The following GOLM1 variants were observed in gnomAD, a reference collection of about 807,000 sequenced individuals.
GOLM1 encodes epididymis luminal protein 46.
GOLM1 carries 31 observed loss-of-function variants against 50.5 expected under a neutral mutation model. That is an observed-to-expected ratio of 0.61 (90% CI 0.46 to 0.83). GOLM1 has a LOEUF of 0.83. GOLM1 is among the 40% of genes least tolerant of loss of function. The pLI is 0.00. For missense variants in GOLM1, 491 were observed against 501.3 expected, an observed-to-expected ratio of 0.98 and a Z score of 0.20; for synonymous variants, 178 against 192.8, an observed-to-expected ratio of 0.92 and a Z score of 0.64.
At position 86,054,688 on chromosome 9, in the gene GOLM1, CA is replaced by C. The variant is rs558319675; in HGVS notation, c.310-2098del. ...AGTGTGCTCCAGAGAGCAAGTTCTT[CA>C]AAGCTACTTGCCAAATTGCTACAAA... On this transcript the variant is annotated intron_variant, in intron 3 of 9. Coordinates refer to ENST00000388712, the MANE Select transcript of GOLM1 (RefSeq NM_016548.4). Among the ~76,000 whole-genome samples, 511 of 152,270 alleles carry C rather than the reference CA, an allele frequency of 3.4e-3. 2 individuals carry two copies. Among genetic ancestry groups the C allele is most frequent in the African/African-American group, 0.012 (483 of 41,552 alleles).
intron 1 of GOLM1, among the ~76,000 whole-genome samples, chr9:86,087,984 C>T (rs1050324154): frequency 2.6e-5 from 4 of 152,054 alleles, no homozygotes; most frequent in African/African-American, 9.7e-5. Context: ...CCCTCTTTTT[C>T]TATTGTTTGG....
Position 86,027,748 on chromosome 9 carries a change from T to C in GOLM1, c.*69A>G, listed in dbSNP as rs1405931594. ...TAGTACATTTCACAGTTTTCAGTAT[T>C]CAGTCCCTCATGAACATTTTATAGT... is the stretch of plus-strand genomic sequence containing the variant. On this transcript the variant is annotated 3_prime_UTR_variant, in exon 10 of 10. Coordinates refer to ENST00000388712, the MANE Select transcript of GOLM1 (RefSeq NM_016548.4). 1 of 1,562,558 alleles carries C rather than the reference T, an allele frequency of 6.4e-7. No homozygotes were observed. Among genetic ancestry groups the C allele is most frequent in the East Asian group, 2.3e-5 (1 of 43,934 alleles).
At chr9:86,069,998 C>T (rs1834402370) in intron 3 of GOLM1, among the ~76,000 whole-genome samples, 2 of 152,042 alleles carry the variant, frequency 1.3e-5, no homozygotes, top group African/African-American at 4.8e-5. Flanking sequence ...ATTCTCCTGC[C>T]TCAGCCTGCA....
At chr9:86,042,071 C>G (rs1009032982) in intron 5 of GOLM1, among the ~76,000 whole-genome samples, 2 of 152,106 alleles carry the variant, frequency 1.3e-5, no homozygotes, top group African/African-American at 2.4e-5. Flanking sequence ...GAGCCGAGAT[C>G]GCGCCACTGC....
rs1016376292 is a variant in GOLM1, at chr9:86,026,588, C to A, written c.*1229G>T. The A allele has an allele frequency of 3.1e-6, 3 of 967,152 alleles. No homozygotes were observed. The African/African-American group carries it at 5.3e-5, about 17-fold the overall frequency. 59.9% of individuals were successfully genotyped at this position (967,152 alleles called of 1,614,324 possible). The stretch of plus-strand genomic sequence containing the variant: ...CTCTGGGGCCTTAGCATCTCAAATC[C>A]TGTGGATCCTCCTACTTACCCCTTA... On this transcript the variant is annotated 3_prime_UTR_variant, in exon 10 of 10. Transcript: ENST00000388712.
Position 86,035,392 on chromosome 9 carries a change from C to T in GOLM1, c.991G>A (p.Glu331Lys), listed in dbSNP as rs757675677. 1.9e-5 allele frequency: 30 copies of T among 1,613,870 alleles called. No homozygotes were observed. The highest frequency in any genetic ancestry group is 6.7e-5 in the Admixed American group (4 of 60,004). The change falls in exon 8 of 10, where the codon GAG becomes AAG. Residue 331 changes from glutamate to lysine, a missense_variant. Coordinates refer to ENST00000388712, the MANE Select transcript of GOLM1 (RefSeq NM_016548.4). Reference protein sequence around the residue: ...DQLVIPDGQEEEQEAAGEGRN... With the variant: ...DQLVIPDGQEKEQEAAGEGRN... ...CCTTCCCCGGCAGCTTCCTGCTCCT[C>T]CTCCTGTCCGTCGGGGATGACAAGC...
intron 9 of GOLM1, among the ~76,000 whole-genome samples, chr9:86,031,604 G>A (rs553700045): frequency 6.6e-6 from 1 of 151,614 alleles, no homozygotes; most frequent in East Asian, 2.0e-4. Flanking sequence ...TGGGATTACA[G>A]GCATGTGCCA....
rs138201450 is a variant in GOLM1, at chr9:86,072,428, C to T, written c.309+4984G>A. Among the ~76,000 whole-genome samples, 574 of 152,282 alleles carry T rather than the reference C, an allele frequency of 3.8e-3. 4 individuals carry two copies. Among genetic ancestry groups the T allele is most frequent in the African/African-American group, 0.013 (524 of 41,540 alleles). On this transcript the variant is annotated intron_variant, in intron 3 of 9. Coordinates refer to ENST00000388712, the MANE Select transcript of GOLM1 (RefSeq NM_016548.4). ...ATGCAATGTCTTACACTTGCCCACC[C>T]ACCCTGGGTGACATTCTAAGGGGTG...
intron 9 of GOLM1, among the ~76,000 whole-genome samples, chr9:86,030,995 AG>A (rs1175655345): frequency 6.6e-5 from 10 of 152,232 alleles, no homozygotes. Context: ...GCGGATCATG[AG>A]GTCAGGAGAT....
intron 1 of GOLM1, among the ~76,000 whole-genome samples, chr9:86,093,637 A>C (rs1835255853): frequency 6.6e-6 from 1 of 151,882 alleles, no homozygotes; most frequent in Non-Finnish European, 1.5e-5. Flanking sequence ...TACTGGCTTA[A>C]TTTAAAAATT....
At position 86,043,501 on chromosome 9, in the gene GOLM1, A is replaced by G. The variant is rs145183764; in HGVS notation, c.468-2633T>C. 3.1e-3 allele frequency among the ~76,000 whole-genome samples: 468 copies of G among 152,318 alleles called. 3 individuals carry two copies. Among genetic ancestry groups the G allele is most frequent in the African/African-American group, 9.8e-3 (406 of 41,582 alleles). On this transcript the variant is annotated intron_variant, in intron 5 of 9. Coordinates refer to ENST00000388712, the MANE Select transcript of GOLM1 (RefSeq NM_016548.4). ...AATTGCACACTTTAGGCAGGTGTCC[A>G]TTTATAAGTTTGCTAACAAAGTGTT...
At chr9:86,053,717 T>C (rs1833894833) in intron 3 of GOLM1, among the ~76,000 whole-genome samples, 5 of 924 alleles carry the variant, frequency 5.4e-3, no homozygotes, top group African/African-American at 6.5e-3. Context: ...CCCCACCGCA[T>C]CACAGACTGC....
rs138803272 is a variant in GOLM1 at position 86,079,279 on chromosome 9, C to G, written c.42G>C (p.Pro14=). 1.5e-5 allele frequency: 24 copies of G among 1,609,014 alleles called. No homozygotes were observed. Among genetic ancestry groups the G allele is most frequent in the Middle Eastern group, 1.7e-4 (1 of 6,040 alleles). The part of the protein sequence containing the change: ...LGNGRRSMKS[P]PLVLAALVAC... ...CCACCAGGGCGGCCAGCACGAGGGG[C>G]GGCGACTTCATGCTGCGACGCCCGT... The change falls in exon 2 of 10, where the codon CCG becomes CCC. Residue 14 remains proline (P), a synonymous_variant. Coordinates refer to ENST00000388712, the MANE Select transcript of GOLM1 (RefSeq NM_016548.4).
chr9:86,088,420 G>GTACATATATA (rs1554675516), intron 1 of GOLM1, among the ~76,000 whole-genome samples: 3 of 86,300 alleles, frequency 3.5e-5, no homozygotes. Context: ...TTTGAAGGGT[G>GTACATATATA]TATATATATA....
chr9:86,092,388 C>T (rs1478476984), intron 1 of GOLM1, among the ~76,000 whole-genome samples: 1 of 152,232 alleles, frequency 6.6e-6, no homozygotes, highest in African/African-American at 2.4e-5. Flanking sequence ...GACTCTGCCA[C>T]CAACTAAAAT....
In GOLM1 at chr9:86,028,037, T is replaced by G. The variant is rs542962058; in HGVS notation, c.1130-144A>C. 1.4e-3 allele frequency: 848 copies of G among 597,942 alleles called. 2 individuals are homozygous for G. The highest frequency in any genetic ancestry group is 2.2e-3 in the Non-Finnish European group (737 of 339,396). The allele number at this position is 597,942 out of a possible 1,614,324, so 37.0% of individuals were successfully genotyped here. A position where few individuals can be genotyped will look rare whatever the true frequency, so the allele number is the denominator to read the frequency against. Reference sequence around the variant, plus strand: ...GCAACACTGTAATTGGGAGTTGTATTCCTCATCAAGGACAAGATGGCAACG... The same window carrying G: ...GCAACACTGTAATTGGGAGTTGTATGCCTCATCAAGGACAAGATGGCAACG... On this transcript the variant is annotated intron_variant, in intron 9 of 9. Coordinates refer to ENST00000388712, the MANE Select transcript of GOLM1 (RefSeq NM_016548.4).
At chr9:86,047,682 C>A (rs1833596573) in intron 4 of GOLM1, among the ~76,000 whole-genome samples, 1 of 152,262 alleles carries the variant, frequency 6.6e-6, no homozygotes, top group East Asian at 1.9e-4. Context: ...ATAAACGATA[C>A]TTTAATATGC....
At chr9:86,053,601 C>CA (rs1564347427) in intron 3 of GOLM1, among the ~76,000 whole-genome samples, 11 of 10,742 alleles carry the variant, frequency 1.0e-3, no homozygotes, top group Non-Finnish European at 2.1e-3. Context: ...CCACTCCACA[C>CA]ACACATCACA....
At position 86,077,290 on chromosome 9, in the gene GOLM1, T is replaced by C. The variant is rs914016688; in HGVS notation, c.309+122A>G. 5.8e-5 allele frequency: 45 copies of C among 781,080 alleles called. No homozygotes were observed. The Middle Eastern group carries it at 7.2e-4, about 12-fold the overall frequency. 48.4% of individuals were successfully genotyped at this position (781,080 alleles called of 1,614,324 possible). On this transcript the variant is annotated intron_variant, in intron 3 of 9. Transcript: ENST00000388712. ...AATGCCCAAAGCTTGATCAATAGGC[T>C]CTTTCCACATAATTACATAAATCTA...
Sources: gnomAD v4.1 joint callset for allele counts (sites outside exome capture counted in the v4.1 genomes callset) on GRCh38, gnomAD v4.1.1 for gene constraint, MANE v1.5 for transcripts, NCBI Gene and HGNC (gene_info 2026-07-23, HGNC 2026-07-21) for gene names.